KSR2: variants seen among roughly 807,000 people sequenced by gnomAD.
The protein encoded by KSR2 is kinase suppressor of ras 2.
In KSR2, 25 loss-of-function variants were observed where a neutral mutation model predicts 107.8. The observed-to-expected ratio is 0.23, with a 90% confidence interval of 0.17 to 0.32. The LOEUF is 0.32. Among genes scored for constraint, KSR2 ranks in the 10% least tolerant of loss-of-function variants. KSR2 has a pLI of 1.00. For missense variants in KSR2, 887 were observed against 1,268.9 expected (o/e 0.70, Z 4.57); for synonymous variants, 480 against 507.0 (o/e 0.95, Z 0.71).
intron 3 of KSR2, among the ~76,000 whole-genome samples, chr12:117,793,610 C>G (rs1193262987): frequency 6.9e-6 from 1 of 145,604 alleles, no homozygotes; most frequent in African/African-American, 2.5e-5. Flanking sequence ...CCAACATGCA[C>G]ACTCACACCA....
intron 4 of KSR2, among the ~76,000 whole-genome samples, chr12:117,751,264 C>T (rs1245173692): frequency 6.6e-6 from 1 of 152,186 alleles, no homozygotes; most frequent in African/African-American, 2.4e-5. Context: ...TGAGGCTTCC[C>T]CAGCCATGCT....
intron 1 of KSR2, among the ~76,000 whole-genome samples, chr12:117,952,984 C>CAA (rs33941668): frequency 0.041 from 4,046 of 98,928 alleles, 133 homozygotes; most frequent in African/African-American, 0.065. Flanking sequence ...GACTCCATCT[C>CAA]AAAAAAAAAA....
At chr12:117,700,562 T>TA (rs996163043) in intron 4 of KSR2, among the ~76,000 whole-genome samples, 46 of 152,146 alleles carry the variant, frequency 3.0e-4, no homozygotes, top group Non-Finnish European at 3.5e-4. Context: ...TTGGTTATTA[T>TA]AAAAAAATAA....
At chr12:117,795,910 CAA>C (rs1890608896) in intron 3 of KSR2, among the ~76,000 whole-genome samples, 1 of 152,032 alleles carries the variant, frequency 6.6e-6, no homozygotes, top group African/African-American at 2.4e-5. Context: ...CACATCTGGC[CAA>C]AGCCTGTGTT....
chr12:117,494,358 G>A (rs1592926439), intron 14 of KSR2, among the ~76,000 whole-genome samples: 1 of 152,142 alleles, frequency 6.6e-6, no homozygotes, highest in African/African-American at 2.4e-5. Context: ...ACCTGAGCAG[G>A]CACTAGAATC....
chr12:117,611,445 G>GACACACGCACACACACACACAC (rs1881588821), intron 5 of KSR2, among the ~76,000 whole-genome samples: 1 of 144,500 alleles, frequency 6.9e-6, no homozygotes, highest in African/African-American at 2.6e-5. Flanking sequence ...TGCACGCACA[G>GACACACGCACACACACACACAC]ACACACACAC....
chr12:117,794,473 C>G (rs1440999201), intron 3 of KSR2, among the ~76,000 whole-genome samples: 1 of 133,682 alleles, frequency 7.5e-6, no homozygotes, highest in East Asian at 2.4e-4. Flanking sequence ...CACACTCACA[C>G]CAACATGCAC....
intron 3 of KSR2, among the ~76,000 whole-genome samples, chr12:117,785,434 A>AAAAAAAAAAAAAAAAAAC (rs1890034506): frequency 6.7e-6 from 1 of 148,926 alleles, no homozygotes; most frequent in Non-Finnish European, 1.5e-5. Flanking sequence ...AAAAAAAAAA[A>AAAAAAAAAAAAAAAAAAC]AAAAAAAAAG....
chr12:117,941,319 G>A, intron 1 of KSR2, among the ~76,000 whole-genome samples: 1 of 151,524 alleles, frequency 6.6e-6, no homozygotes, highest in East Asian at 1.9e-4. Flanking sequence ...TGACCCCCTA[G>A]AAATCAAGCA....
At chr12:117,901,726 C>T (rs1894690430) in intron 1 of KSR2, among the ~76,000 whole-genome samples, 1 of 152,106 alleles carries the variant, frequency 6.6e-6, no homozygotes, top group Non-Finnish European at 1.5e-5. Context: ...CATTACCATG[C>T]AATAAGAACC....
intron 4 of KSR2, among the ~76,000 whole-genome samples, chr12:117,685,784 C>T (rs1381628227): frequency 6.6e-6 from 1 of 152,240 alleles, no homozygotes; most frequent in Admixed American, 6.5e-5. Context: ...AACCCACCAC[C>T]AGAGGCCACA....
intron 14 of KSR2, among the ~76,000 whole-genome samples, chr12:117,494,764 G>T (rs543432123): frequency 5.9e-5 from 9 of 152,344 alleles, no homozygotes; most frequent in African/African-American, 2.2e-4. Flanking sequence ...ATAGAGAGTA[G>T]ATGGAGTTGG....
At chr12:117,631,471 A>G (rs184429388) in intron 5 of KSR2, among the ~76,000 whole-genome samples, 20 of 152,336 alleles carry the variant, frequency 1.3e-4, no homozygotes, top group African/African-American at 4.8e-4. Flanking sequence ...TGACTAAACA[A>G]CAATTTCATG....
rs962364103 is a variant in KSR2 at position 117,907,241 on chromosome 12, A to G, written c.181-46810T>C. 1.1e-4 allele frequency among the ~76,000 whole-genome samples: 17 copies of G among 152,152 alleles called. No individual in the cohort carries two copies. Among genetic ancestry groups the G allele is most frequent in the African/African-American group, 3.9e-4 (16 of 41,442 alleles). On this transcript the variant is annotated intron_variant, in intron 1 of 19. Transcript: ENST00000339824. This position sits in a 1 kb window ranked among gnomAD's most constrained non-coding sequence, Gnocchi z 4.3. ...TTCACACCTGGTTCTTTCTGACCCA[A>G]TGTCTAGATGAGCCATTACACCAAA...
At chr12:117,641,405 C>T (rs1441672267) in intron 5 of KSR2, among the ~76,000 whole-genome samples, 6 of 152,168 alleles carry the variant, frequency 3.9e-5, no homozygotes, top group African/African-American at 1.2e-4. Context: ...GGCCACACCC[C>T]CTCTAAGACC....
intron 14 of KSR2, among the ~76,000 whole-genome samples, chr12:117,508,556 G>T (rs1330393351): frequency 1.3e-5 from 2 of 152,096 alleles, no homozygotes; most frequent in East Asian, 1.9e-4. Context: ...GGGTAGGTAG[G>T]TGGATAGCTG....
chr12:117,623,135 C>T (rs1050412835), intron 5 of KSR2, among the ~76,000 whole-genome samples: 1 of 152,198 alleles, frequency 6.6e-6, no homozygotes, highest in Non-Finnish European at 1.5e-5. Flanking sequence ...TAATGTGCTT[C>T]GCACATGGTA....
intron 4 of KSR2, among the ~76,000 whole-genome samples, chr12:117,668,291 C>T (rs1884752157): frequency 6.6e-6 from 1 of 152,198 alleles, no homozygotes. Context: ...TGCCGGGCTC[C>T]TCCTTCCCAG....
chr12:117,851,594 C>CA (rs1032471071), intron 3 of KSR2, among the ~76,000 whole-genome samples: 17 of 151,366 alleles, frequency 1.1e-4, no homozygotes, highest in Non-Finnish European at 2.2e-4. Flanking sequence ...TCTCAAAAAA[C>CA]AAAAAATAGA....
Sources: allele counts gnomAD v4.1 joint callset (sites outside exome capture counted in the v4.1 genomes callset), GRCh38; gene constraint gnomAD v4.1.1; non-coding constraint Gnocchi (gnomAD v3.1); transcripts MANE v1.5; gene names NCBI Gene and HGNC (gene_info 2026-07-23, HGNC 2026-07-21).